Variants in AVEN observed in about 807,000 individuals in gnomAD.
AVEN encodes apoptosis and caspase activation inhibitor.
In AVEN, 41 loss-of-function variants were observed where a neutral mutation model predicts 38.1. The ratio of observed to expected loss-of-function variants is 1.08; its 90% confidence interval spans 0.84 to 1.40. The LOEUF (loss-of-function observed/expected upper bound fraction) is 1.40. Among genes scored for constraint, AVEN ranks in the 40% most tolerant of loss-of-function variants. The pLI is 0.00. For synonymous variants in AVEN, 206 were observed against 171.8 expected (o/e 1.20, Z -1.56); for missense variants, 605 against 438.8 (o/e 1.38, Z -3.38).
At chr15:33,993,943 T>A (rs183286861) in intron 2 of AVEN, among the ~76,000 whole-genome samples, 450 of 152,366 alleles carry the variant, frequency 3.0e-3, no homozygotes, top group African/African-American at 0.01. Flanking sequence ...TTCATCCACT[T>A]ATTTAAGTAT....
At chr15:33,905,682 A>G (rs1436965913) in intron 2 of AVEN, among the ~76,000 whole-genome samples, 3 of 152,172 alleles carry the variant, frequency 2.0e-5, no homozygotes, top group Non-Finnish European at 4.4e-5. Context: ...AAAATTAGCC[A>G]GGAGTGCTGG....
At chr15:33,967,112 G>A (rs1895417643) in intron 2 of AVEN, among the ~76,000 whole-genome samples, 1 of 152,054 alleles carries the variant, frequency 6.6e-6, no homozygotes, top group Non-Finnish European at 1.5e-5. Flanking sequence ...TGTTAAGTGG[G>A]AAAAGTTCAA....
intron 2 of AVEN, chr15:33,972,307 G>A (rs1189592480): frequency 6.6e-6 from 1 of 152,014 alleles, no homozygotes; most frequent in Non-Finnish European, 1.5e-5. Context: ...CAGAAATACT[G>A]ATGCTACTCA....
chr15:33,937,339 C>A (rs1567422826), intron 2 of AVEN, among the ~76,000 whole-genome samples: 2 of 150,504 alleles, frequency 1.3e-5, no homozygotes, highest in Non-Finnish European at 2.9e-5. Context: ...TTGAGACCAT[C>A]CTGGCTAACA....
chr15:33,871,456 T>C (rs1254147797), intron 3 of AVEN, among the ~76,000 whole-genome samples: 1 of 151,980 alleles, frequency 6.6e-6, no homozygotes, highest in East Asian at 1.9e-4. Flanking sequence ...TAATCCCAGC[T>C]ACTCGGGAGG....
chr15:34,010,586 AC>A (rs11362224), intron 1 of AVEN, among the ~76,000 whole-genome samples: 138,437 of 152,146 alleles, frequency 0.91, 64,197 homozygotes, highest in Non-Finnish European at 1. Flanking sequence ...AAACATTCAC[AC>A]CATTTTTCAC....
intron 2 of AVEN, among the ~76,000 whole-genome samples, chr15:33,882,374 C>T (rs1891523313): frequency 6.6e-6 from 1 of 152,102 alleles, no homozygotes; most frequent in Admixed American, 6.5e-5. Context: ...TAAAAAGCCT[C>T]ATCTCATCCT....
Position 33,901,091 on chromosome 15 carries a change from C to G in AVEN, c.446-25096G>C, listed in dbSNP as rs911928002. On this transcript the variant is annotated intron_variant, in intron 2 of 5. Transcript: ENST00000306730. Reference sequence around the variant, plus strand: ...ACCATCCTGGCTAACATGGTGAAACCCCGTCTCTACTAAAAATACAAAAAA... The same window carrying G: ...ACCATCCTGGCTAACATGGTGAAACGCCGTCTCTACTAAAAATACAAAAAA... Among the ~76,000 whole-genome samples the G allele has an allele frequency of 2.6e-5, 4 of 152,114 alleles. No individual in the cohort carries two copies. In the South Asian group the frequency reaches 6.2e-4, roughly 24 times the overall value.
chr15:33,915,299 G>A (rs970333584), intron 2 of AVEN, among the ~76,000 whole-genome samples: 10 of 152,222 alleles, frequency 6.6e-5, no homozygotes, highest in East Asian at 5.8e-4. Context: ...GGAAGCAAGC[G>A]CATTGCTCCT....
Position 34,064,071 on chromosome 15 carries a change from A to T in AVEN, n.1127-639T>A, listed in dbSNP as rs1044926847. On this transcript the variant is annotated intron_variant and non_coding_transcript_variant, in intron 4 of 11. Transcript: ENST00000675287. ...ACTGAGTGCCATTCTCCTGGCCTTC[A>T]TCATCACATGGACCCCGTATAACAT... is the stretch of plus-strand genomic sequence containing the variant. 7.4e-6 allele frequency: 12 copies of T among 1,614,202 alleles called. No individual in the cohort carries two copies. The East Asian group carries it at 1.8e-4, about 24-fold the overall frequency.
chr15:33,924,269 C>T (rs1377374514), intron 2 of AVEN, among the ~76,000 whole-genome samples: 1 of 151,482 alleles, frequency 6.6e-6, no homozygotes, highest in East Asian at 1.9e-4. Context: ...ACTCGGGAGG[C>T]TGAGGCACAA....
At chr15:33,888,510 T>C (rs1280417954) in intron 2 of AVEN, among the ~76,000 whole-genome samples, 1 of 152,182 alleles carries the variant, frequency 6.6e-6, no homozygotes, top group Non-Finnish European at 1.5e-5. Context: ...AGCAATTTGC[T>C]GTTACTAGAG....
chr15:33,962,038 C>T (rs902214466), intron 2 of AVEN, among the ~76,000 whole-genome samples: 1 of 152,058 alleles, frequency 6.6e-6, no homozygotes, highest in Non-Finnish European at 1.5e-5. Context: ...CCACACCCCA[C>T]ACAGAAAGAT....
intron 2 of AVEN, among the ~76,000 whole-genome samples, chr15:33,931,098 T>C (rs1893824875): frequency 6.6e-6 from 1 of 152,152 alleles, no homozygotes; most frequent in South Asian, 2.1e-4. Context: ...TACTTTTCTT[T>C]TGTCTTTTAG....
rs556590378 is a variant in AVEN at position 33,934,824 on chromosome 15, T to A, written c.446-58829A>T. 2.0e-5 allele frequency among the ~76,000 whole-genome samples: 3 copies of A among 152,332 alleles called. No individual in the cohort carries two copies. The East Asian group carries it at 5.8e-4, about 29-fold the overall frequency. On this transcript the variant is annotated intron_variant, in intron 2 of 5. Transcript: ENST00000306730. ...AACCTGAGCTCTATCACTTTCCAAT[T>A]GTGTGACCTTGAGGAAGTTGTCTGC...
intron 2 of AVEN, among the ~76,000 whole-genome samples, chr15:33,911,952 A>G (rs778821996): frequency 2.0e-5 from 3 of 152,198 alleles, no homozygotes; most frequent in Non-Finnish European, 2.9e-5. Flanking sequence ...TCTCCCAATA[A>G]CAGTATTTGA....
At chr15:33,893,951 A>ATAT (rs34900043) in intron 2 of AVEN, among the ~76,000 whole-genome samples, 1 of 142,312 alleles carries the variant, frequency 7.0e-6, no homozygotes, top group Non-Finnish European at 1.5e-5. Flanking sequence ...TGATGCCAAG[A>ATAT]TTTTTTTTTT....
the AVEN span, chr15:33,853,204 A>C: frequency 7.1e-5 from 71 of 996,588 alleles, no homozygotes; most frequent in Non-Finnish European, 9.7e-5. Flanking sequence ...ATAATATCTC[A>C]AGAAGAGTAA....
At chr15:33,990,588 A>G (rs1470465085) in intron 2 of AVEN, 1 of 152,240 alleles carries the variant, frequency 6.6e-6, no homozygotes, top group Non-Finnish European at 1.5e-5. Flanking sequence ...ATAAACATTT[A>G]AAAATAAACA....
Sources: allele counts gnomAD v4.1 joint callset (sites outside exome capture counted in the v4.1 genomes callset), GRCh38; gene constraint gnomAD v4.1.1; transcripts MANE v1.5; gene names NCBI Gene and HGNC (gene_info 2026-07-23, HGNC 2026-07-21).